Variants in SRPRB observed in about 807,000 individuals in gnomAD.
SRPRB encodes SRP receptor subunit beta.
In SRPRB, 20 loss-of-function variants were observed where a neutral mutation model predicts 31.9. The observed-to-expected ratio is 0.63, with a 90% CI of 0.44 to 0.91. SRPRB has a LOEUF of 0.91. Among genes scored for constraint, SRPRB ranks in the 40% least tolerant of loss-of-function variants. The probability of loss-of-function intolerance (pLI) is 0.00; values close to 1 mark genes in which losing one functional copy is unlikely to be tolerated. For synonymous variants in SRPRB, 146 were observed against 132.8 expected, an observed-to-expected ratio of 1.10 and a Z score of -0.68; for missense variants, 321 against 324.9, an observed-to-expected ratio of 0.99 and a Z score of 0.09.
rs1559890518 is a variant in SRPRB at position 133,807,805 on chromosome 3, C to G, written c.309C>G (p.Tyr103Ter). ...CCATTACTGACAGCTGTGCTGTATACAGAGTCAACAATAACAGGGTAAGAT... is the reference window on the plus strand; with the variant it reads ...CCATTACTGACAGCTGTGCTGTATAGAGAGTCAACAATAACAGGGTAAGAT... The part of the protein sequence containing the change: ...QTSITDSCAV[Y>*]RVNNNRGNSL... The change falls in exon 3 of 7, where the codon TAC becomes TAG. Residue 103 changes from tyrosine (Y) to a stop codon, truncating the protein, a stop_gained. Transcript: ENST00000678299. LOFTEE classifies it high-confidence loss of function. 1.9e-6 allele frequency: 3 copies of G among 1,611,220 alleles called. No homozygotes were observed. The highest frequency in any genetic ancestry group is 1.7e-5 in the Admixed American group (1 of 58,908).
downstream of SRPRB, chr3:133,827,756 C>A (rs1002770662): frequency 2.2e-5 from 2 of 89,334 alleles, no homozygotes; most frequent in South Asian, 2.7e-4. Context: ...ACCCCCCCCC[C>A]CCCCCGCCTC....
At chr3:133,784,259 T>C (rs1440991903) in intron 1 of SRPRB, 1 of 152,134 alleles carries the variant, frequency 6.6e-6, no homozygotes, top group African/African-American at 2.4e-5. Context: ...CTTGCGCCAT[T>C]AGGCCCATCG....
downstream of SRPRB, among the ~76,000 whole-genome samples, chr3:133,823,124 T>C (rs1419209469): frequency 1.3e-5 from 2 of 152,228 alleles, no homozygotes; most frequent in African/African-American, 4.8e-5. Flanking sequence ...CTGTGTGGGC[T>C]TGTGGTCAGC....
In SRPRB at chr3:133,819,579, CT is replaced by C. The variant is rs868204390; in HGVS notation, c.630del (p.Ala211ProfsTer66). On this transcript the variant is annotated frameshift_variant, in exon 7 of 7. Transcript: ENST00000678299. LOFTEE classifies it high-confidence loss of function. The stretch of plus-strand genomic sequence containing the variant: ...AACACCTTACGAGTTACCCGTTCTG[CT>C]GCCCCCAGCACACTGGACAGTTCCA... ...ELNTLRVTRS[A>X]APSTLDSSST... The C allele has an allele frequency of 3.7e-6, 6 of 1,613,990 alleles. No individual in the cohort carries two copies. The highest frequency in any genetic ancestry group is 5.1e-6 in the Non-Finnish European group (6 of 1,179,968).
chr3:133,815,674 C>T lies in SRPRB; in HGVS notation c.495C>T (p.Asp165=). 6.2e-6 allele frequency: 10 copies of T among 1,613,974 alleles called. No individual in the cohort carries two copies. The highest frequency in any genetic ancestry group is 8.5e-6 in the Non-Finnish European group (10 of 1,179,998). ...AGTTTCTGTATCAAGTCCTCATTGA[C>T]AGTATGGGTCTGAAGAATACACCAT... ...VAEFLYQVLI[D]SMGLKNTPSF... is the part of the protein sequence containing the mutation. The change falls in exon 5 of 7, where the codon GAC becomes GAT. Residue 165 remains aspartate (D), a synonymous_variant. Coordinates refer to ENST00000678299, the MANE Select transcript of SRPRB (RefSeq NM_001379313.1).
chr3:133,822,143 G>A (rs974649080), downstream of SRPRB, among the ~76,000 whole-genome samples: 3 of 152,186 alleles, frequency 2.0e-5, no homozygotes, highest in Non-Finnish European at 2.9e-5. Context: ...AGAGTAGAAG[G>A]ATGGATGTCA....
At chr3:133,810,963 G>A (rs1451014534) in intron 3 of SRPRB, 154 bp from the exon 4 acceptor site, 10 of 658,046 alleles carry the variant, frequency 1.5e-5, no homozygotes, top group Non-Finnish European at 4.9e-6. Context: ...TACATCCCCA[G>A]AACGTTGACT....
chr3:133,805,746 T>G (rs1935138713), upstream of SRPRB: 2 of 1,455,646 alleles, frequency 1.4e-6, no homozygotes, highest in Non-Finnish European at 9.1e-7. Context: ...AGGGAGAGAC[T>G]ATGGCTTAGG....
At chr3:133,827,774 C>A, downstream of SRPRB, 1 of 177,142 alleles carries the variant, frequency 5.6e-6, no homozygotes, top group Non-Finnish European at 1.1e-5. Context: ...CTCCCCATCA[C>A]AGAGGATCAA....
intron 1 of SRPRB, chr3:133,784,518 T>C (rs1410248934): frequency 6.7e-6 from 1 of 150,142 alleles, no homozygotes; most frequent in Non-Finnish European, 1.5e-5. Context: ...AGGACATAAA[T>C]GGCTTCTGGA....
At chr3:133,823,228 A>G (rs1159985163), downstream of SRPRB, among the ~76,000 whole-genome samples, 1 of 152,074 alleles carries the variant, frequency 6.6e-6, no homozygotes, top group Admixed American at 6.5e-5. Context: ...GCACATGGCC[A>G]TGTTCTGTTG....
downstream of SRPRB, chr3:133,827,589 A>T: frequency 2.8e-6 from 1 of 355,796 alleles, no homozygotes. Context: ...GCGCAGCCAC[A>T]GTAGCCACAA....
intron 6 of SRPRB, among the ~76,000 whole-genome samples, chr3:133,819,350 A>AGCCCC (rs1559893781): frequency 2.7e-5 from 4 of 146,244 alleles, no homozygotes; most frequent in South Asian, 2.3e-4. Flanking sequence ...GTGAGGTCTG[A>AGCCCC]CCCCCCCAGC....
intron 1 of SRPRB, chr3:133,796,470 A>G (rs1294579257): frequency 6.6e-6 from 1 of 152,286 alleles, no homozygotes; most frequent in African/African-American, 2.4e-5. Flanking sequence ...ATGATGGGAA[A>G]TGTCTTCTGT....
chr3:133,822,060 G>A (rs1172688667), downstream of SRPRB, among the ~76,000 whole-genome samples: 1 of 152,112 alleles, frequency 6.6e-6, no homozygotes, highest in Non-Finnish European at 1.5e-5. Context: ...TCTCCACTCA[G>A]GTGGTGCCCT....
At chr3:133,790,494 C>A (rs1318446582) in intron 1 of SRPRB, 1 of 151,976 alleles carries the variant, frequency 6.6e-6, no homozygotes, top group Non-Finnish European at 1.5e-5. Flanking sequence ...TAGTAAGGAA[C>A]CAGTAAGTAG....
At chr3:133,788,263 T>C (rs1934736933) in intron 1 of SRPRB, 1 of 152,240 alleles carries the variant, frequency 6.6e-6, no homozygotes, top group South Asian at 2.1e-4. Flanking sequence ...GTACATCAAG[T>C]AAATGACTAG....
At chr3:133,787,821 TCTAGATA>T (rs1934724996) in intron 1 of SRPRB, 2 of 152,262 alleles carry the variant, frequency 1.3e-5, no homozygotes, top group Admixed American at 6.5e-5. Context: ...ATATCCACTC[TCTAGATA>T]CTAAAGAGGT....
At chr3:133,809,868 T>A (rs1222553729) in intron 3 of SRPRB, among the ~76,000 whole-genome samples, 2 of 152,198 alleles carry the variant, frequency 1.3e-5, no homozygotes, top group African/African-American at 4.8e-5. Context: ...CAATTTCTTT[T>A]TACTTTTTTA....
Sources: allele counts gnomAD v4.1 joint callset (sites outside exome capture counted in the v4.1 genomes callset), GRCh38; gene constraint gnomAD v4.1.1; transcripts MANE v1.5; gene names NCBI Gene and HGNC (gene_info 2026-07-23, HGNC 2026-07-21).